The following RGS5 variants were observed in gnomAD, a reference collection of about 807,000 sequenced individuals.
RGS5 encodes the protein regulator of G-protein signalling 5.
RGS5 carries 20 observed loss-of-function variants against 18.9 expected under a neutral mutation model. The observed-to-expected ratio is 1.06, with a 90% CI of 0.74 to 1.54. The LOEUF is 1.54. Among genes scored for constraint, RGS5 ranks in the 40% most tolerant of loss-of-function variants. The pLI is 0.00. For synonymous variants in RGS5, 57 were observed against 76.2 expected (o/e 0.75, Z 1.31); for missense variants, 201 against 211.8 (o/e 0.95, Z 0.32).
intron 2 of RGS5, among the ~76,000 whole-genome samples, chr1:163,267,057 G>T (rs763218608): frequency 1.7e-4 from 26 of 152,196 alleles, no homozygotes; most frequent in African/African-American, 6.0e-4. Flanking sequence ...GTGAATGTTT[G>T]TGTCCCACCC....
chr1:163,191,773 C>T (rs1659367313), intron 1 of RGS5, among the ~76,000 whole-genome samples: 1 of 152,200 alleles, frequency 6.6e-6, no homozygotes, highest in Admixed American at 6.5e-5. Context: ...AATGAGGCAA[C>T]TCTTGGTGGC....
chr1:163,305,680 C>T (rs1190443908), intron 2 of RGS5, among the ~76,000 whole-genome samples: 3 of 152,196 alleles, frequency 2.0e-5, no homozygotes, highest in Admixed American at 2.0e-4. Context: ...CTTCATGCTC[C>T]ACTGTACTCC....
At chr1:163,177,836 T>G (rs1177445720) in intron 1 of RGS5, among the ~76,000 whole-genome samples, 1 of 152,220 alleles carries the variant, frequency 6.6e-6, no homozygotes, top group Non-Finnish European at 1.5e-5. Flanking sequence ...GCCAGGCATT[T>G]CATGCTTTCT....
chr1:163,205,194 A>G (rs1386215343), upstream of RGS5, among the ~76,000 whole-genome samples: 3 of 152,074 alleles, frequency 2.0e-5, no homozygotes, highest in Admixed American at 6.6e-5. Context: ...CTATTCAATA[A>G]AGTTTCAATA....
Position 163,319,933 on chromosome 1 carries a change from A to G in RGS5, c.-378+1689T>C, listed in dbSNP as rs552612509. 4.6e-5 allele frequency among the ~76,000 whole-genome samples: 7 copies of G among 152,326 alleles called. No homozygotes were observed. In the East Asian group the frequency reaches 1.3e-3, roughly 29 times the overall value. ...TACACTGACCAGTATCAGGCAACTAAAAGTTTTAAAAAGTCAGATTTAACC... is the reference window on the plus strand; with the variant it reads ...TACACTGACCAGTATCAGGCAACTAGAAGTTTTAAAAAGTCAGATTTAACC... On this transcript the variant is annotated intron_variant, in intron 1 of 5. Transcript: ENST00000618415.
chr1:163,257,183 A>C (rs1422475536), intron 2 of RGS5, among the ~76,000 whole-genome samples: 2 of 152,154 alleles, frequency 1.3e-5, no homozygotes, highest in Non-Finnish European at 2.9e-5. Flanking sequence ...TTAAAGAATA[A>C]GATGTGGTTT....
intron 2 of RGS5, among the ~76,000 whole-genome samples, chr1:163,228,743 G>C (rs941976568): frequency 6.6e-6 from 1 of 152,046 alleles, no homozygotes; most frequent in African/African-American, 2.4e-5. Context: ...TCAATGCTTT[G>C]CCACTTAGAA....
intron 2 of RGS5, among the ~76,000 whole-genome samples, chr1:163,256,745 G>A (rs1380411033): frequency 6.6e-6 from 1 of 152,162 alleles, no homozygotes; most frequent in Non-Finnish European, 1.5e-5. Context: ...CTCAGCCAAA[G>A]AATGCTGATA....
At chr1:163,208,816 C>G (rs192738734) in intron 1 of RGS5, among the ~76,000 whole-genome samples, 1 of 152,204 alleles carries the variant, frequency 6.6e-6, no homozygotes, top group Admixed American at 6.5e-5. Flanking sequence ...AACTACCTTT[C>G]TAGTACATAG....
chr1:163,170,455 C>T (rs1484362611), intron 1 of RGS5, among the ~76,000 whole-genome samples: 1 of 152,152 alleles, frequency 6.6e-6, no homozygotes, highest in Non-Finnish European at 1.5e-5. Context: ...GTGAAGTTCA[C>T]ATGGCAGCCA....
At chr1:163,217,551 A>C in exon 1 of RGS5, 2 of 1,546,754 alleles carry the variant, frequency 1.3e-6, no homozygotes, top group Non-Finnish European at 1.7e-6. Flanking sequence ...AGCACTGTGC[A>C]TCTGTAAGAT....
Position 163,160,079 on chromosome 1 carries a change from A to G in RGS5, c.217+1836T>C, listed in dbSNP as rs112771987. Among the ~76,000 whole-genome samples the G allele has an allele frequency of 8.2e-3, 1,241 of 152,250 alleles. 9 individuals carry two copies. Among genetic ancestry groups the G allele is most frequent in the Non-Finnish European group, 0.014 (935 of 67,998 alleles). ...CTCTAGCTTAACTCTCTTTAACTCT[A>G]TCTAACCCTAGCTTTCTTATTCTAG... On this transcript the variant is annotated intron_variant, in intron 3 of 4. Transcript: ENST00000313961.
At chr1:163,313,463 G>A (rs1649929083) in intron 1 of RGS5, among the ~76,000 whole-genome samples, 1 of 152,100 alleles carries the variant, frequency 6.6e-6, no homozygotes, top group African/African-American at 2.4e-5. Context: ...GGAAAGAAAG[G>A]GATGGGAGAG....
chr1:163,200,586 T>C (rs116086127), intron 1 of RGS5, among the ~76,000 whole-genome samples: 3,011 of 152,240 alleles, frequency 0.02, 113 homozygotes, highest in African/African-American at 0.068. Context: ...CATGGGTAAG[T>C]ACTAACAGCT....
chr1:163,168,395 G>A (rs1658150540), intron 1 of RGS5, 27 bp from the exon 2 acceptor site: 5 of 1,505,398 alleles, frequency 3.3e-6, no homozygotes, highest in African/African-American at 1.4e-5. Context: ...AAGGGGAAAT[G>A]AGGACACCAC....
At chr1:163,292,714 A>G (rs1203189964) in intron 2 of RGS5, among the ~76,000 whole-genome samples, 1 of 152,090 alleles carries the variant, frequency 6.6e-6, no homozygotes, top group Non-Finnish European at 1.5e-5. Context: ...AGCCATCCTG[A>G]CTGGTGTGAG....
intron 2 of RGS5, among the ~76,000 whole-genome samples, chr1:163,271,583 T>TA (rs1156642398): frequency 6.6e-6 from 1 of 152,178 alleles, no homozygotes; most frequent in African/African-American, 2.4e-5. Context: ...GGTATCTTAT[T>TA]AAATCAGCCC....
intron 1 of RGS5, among the ~76,000 whole-genome samples, chr1:163,320,362 T>C (rs1041471895): frequency 6.6e-6 from 1 of 152,204 alleles, no homozygotes; most frequent in Non-Finnish European, 1.5e-5. Context: ...TTAATCTTCA[T>C]GATACCGTAT....
intron 2 of RGS5, among the ~76,000 whole-genome samples, chr1:163,267,113 A>C (rs1270968257): frequency 6.6e-6 from 1 of 152,024 alleles, no homozygotes; most frequent in East Asian, 1.9e-4. Flanking sequence ...CAGTGTTTGG[A>C]GGCAGGGTCT....
Sources: gnomAD v4.1 joint callset for allele counts (sites outside exome capture counted in the v4.1 genomes callset) on GRCh38, gnomAD v4.1.1 for gene constraint, MANE v1.5 for transcripts, NCBI Gene and HGNC (gene_info 2026-07-23, HGNC 2026-07-21) for gene names.